Variants in ZNF608 observed in about 807,000 individuals in gnomAD.
The protein encoded by ZNF608 is zinc finger protein 608.
Under a neutral mutation model 109.0 loss-of-function variants are expected in ZNF608, and 12 were observed. The ratio of observed to expected loss-of-function variants is 0.11; its 90% CI spans 0.07 to 0.18. The LOEUF (loss-of-function observed/expected upper bound fraction) is 0.18, where lower values mean the gene tolerates loss of function less well. Ranked by LOEUF, ZNF608 falls within the 10% of genes least tolerant of loss-of-function variation. The pLI is 1.00. For missense variants in ZNF608, 1,707 were observed against 1,879.3 expected (o/e 0.91, Z 1.70); for synonymous variants, 732 against 717.4 (o/e 1.02, Z -0.33).
intron 3 of ZNF608, among the ~76,000 whole-genome samples, chr5:124,676,680 A>G (rs1396552151): frequency 6.6e-6 from 1 of 152,234 alleles, no homozygotes; most frequent in Admixed American, 6.5e-5. Context: ...ACTGGCCACA[A>G]CCCAAAAGTC....
intron 3 of ZNF608, among the ~76,000 whole-genome samples, chr5:124,684,100 C>T (rs905022077): frequency 2.0e-5 from 3 of 152,184 alleles, no homozygotes; most frequent in African/African-American, 7.2e-5. Flanking sequence ...CAAGTCATGG[C>T]TACTCATTCA....
At chr5:124,743,431 C>T (rs1749500529) in intron 2 of ZNF608, among the ~76,000 whole-genome samples, 1 of 152,126 alleles carries the variant, frequency 6.6e-6, no homozygotes, top group Admixed American at 6.6e-5. Flanking sequence ...CCAAAACCAT[C>T]GAGTTTTTCT....
chr5:124,743,286 G>A (rs1268285123), intron 2 of ZNF608, among the ~76,000 whole-genome samples: 2 of 152,138 alleles, frequency 1.3e-5, no homozygotes, highest in Non-Finnish European at 2.9e-5. Flanking sequence ...CACATTTCAC[G>A]AGTATCAGTC....
At chr5:124,703,893 T>A (rs1753156267) in intron 2 of ZNF608, among the ~76,000 whole-genome samples, 2 of 152,182 alleles carry the variant, frequency 1.3e-5, no homozygotes, top group South Asian at 4.1e-4. Context: ...TAGATATATT[T>A]GCATGCAGAA....
chr5:124,648,888 T>C lies in ZNF608; in HGVS notation c.1496A>G (p.Lys499Arg), dbSNP rs762419181. The change falls in exon 5 of 10, where the codon AAA becomes AGA. Residue 499 changes from lysine to arginine, a missense_variant. Coordinates refer to ENST00000513986, the MANE Select transcript of ZNF608 (RefSeq NM_020747.3). ...DIKASPSSTN[K>R]RKNKPPMELD... ...CTCCATTGGAGGCTTGTTTTTCCTT[T>C]TGTTGGTGGAGGAAGGGCTGGCTTT... 5 of 1,613,986 alleles carry C rather than the reference T, an allele frequency of 3.1e-6. No individual in the cohort carries two copies. In the South Asian group the frequency reaches 5.5e-5, roughly 18 times the overall value.
At chr5:124,745,259 G>C in intron 1 of ZNF608, 87 bp from the exon 2 acceptor site, 2 of 1,184,420 alleles carry the variant, frequency 1.7e-6, no homozygotes, top group Non-Finnish European at 2.1e-6. Flanking sequence ...TCAGTAAAGG[G>C]GACAGGGAAG....
At chr5:124,677,429 G>A (rs1751990651) in intron 3 of ZNF608, among the ~76,000 whole-genome samples, 1 of 152,194 alleles carries the variant, frequency 6.6e-6, no homozygotes, top group Non-Finnish European at 1.5e-5. Flanking sequence ...TGATCTGTTT[G>A]ACATAGGACA....
chr5:124,747,124 A>T (rs1412301584), upstream of ZNF608, among the ~76,000 whole-genome samples: 1 of 150,696 alleles, frequency 6.6e-6, no homozygotes, highest in African/African-American at 2.4e-5. Flanking sequence ...TCAGCCAGTC[A>T]TGTGGTAATT....
intron 2 of ZNF608, among the ~76,000 whole-genome samples, chr5:124,706,783 C>T (rs1273434584): frequency 6.6e-6 from 1 of 152,072 alleles, no homozygotes; most frequent in Non-Finnish European, 1.5e-5. Flanking sequence ...CCTGTCAAAC[C>T]GAGGAAAGTT....
In ZNF608 at chr5:124,647,960, G is replaced by C; in HGVS notation, c.2424C>G (p.Leu808=). 1.2e-6 allele frequency: 2 copies of C among 1,613,912 alleles called. No individual in the cohort carries two copies. Among genetic ancestry groups the C allele is most frequent in the Non-Finnish European group, 1.7e-6 (2 of 1,179,992 alleles). Residue 808 remains leucine (L), a synonymous_variant, in exon 5 of 10, where the codon CTC becomes CTG. Transcript: ENST00000513986. ...GCTTCTCCTTTTTCTTTTTGTCTTT[G>C]AGTGACACCAGAGCTGGGTTCACGG... ...PITVNPALVS[L]KDKKKKEKRK... is the part of the protein sequence containing the mutation.
intron 2 of ZNF608, among the ~76,000 whole-genome samples, chr5:124,720,721 C>A (rs1353172174): frequency 1.3e-5 from 2 of 152,040 alleles, no homozygotes; most frequent in Non-Finnish European, 2.9e-5. Context: ...ACTTCATGTT[C>A]TTACACAAAT....
At position 124,744,760 on chromosome 5, in the gene ZNF608, G is replaced by A. The variant is rs1176998873; in HGVS notation, c.230C>T (p.Ala77Val). The A allele has an allele frequency of 1.2e-6, 2 of 1,614,130 alleles. No individual in the cohort carries two copies. The highest frequency in any genetic ancestry group is 2.7e-5 in the African/African-American group (2 of 74,944). ...AAATTTTAGGCCATCAGCTAAGGCTGCGGTAGCACCAGCCCCACTGGAGGC... is the reference window on the plus strand; with the variant it reads ...AAATTTTAGGCCATCAGCTAAGGCTACGGTAGCACCAGCCCCACTGGAGGC... Reference protein sequence around the residue: ...GPASSGAGATAALADGLKFAS... With the variant: ...GPASSGAGATVALADGLKFAS... The change falls in exon 2 of 10, where the codon GCA (alanine) becomes GTA (valine). Residue 77 changes from alanine to valine, a missense_variant. Around this residue, in one of 7 missense-constraint regions of ZNF608, gnomAD observed 407 missense variants for 398.7 expected, o/e 1.02. Transcript: ENST00000513986. The surrounding 1 kb of genome is among the most constrained non-coding windows in gnomAD (Gnocchi z 4.5).
At chr5:124,717,198 G>C (rs1047195563) in intron 2 of ZNF608, among the ~76,000 whole-genome samples, 1 of 151,916 alleles carries the variant, frequency 6.6e-6, no homozygotes, top group African/African-American at 2.4e-5. Flanking sequence ...AGGAGCAATG[G>C]CTCATGCCTG....
At chr5:124,660,387 C>T (rs1305580812) in intron 3 of ZNF608, among the ~76,000 whole-genome samples, 1 of 152,188 alleles carries the variant, frequency 6.6e-6, no homozygotes, top group Admixed American at 6.5e-5. Flanking sequence ...CCCTGTTCTT[C>T]CTGGAGGTGG....
chr5:124,697,999 G>A (rs761134849), intron 3 of ZNF608, among the ~76,000 whole-genome samples: 28 of 152,124 alleles, frequency 1.8e-4, no homozygotes, highest in Non-Finnish European at 2.9e-4. Context: ...TACCAGGGAC[G>A]GGGTTTTATT....
chr5:124,671,393 C>A (rs765536700), intron 3 of ZNF608, among the ~76,000 whole-genome samples: 1 of 152,030 alleles, frequency 6.6e-6, no homozygotes, highest in Non-Finnish European at 1.5e-5. Flanking sequence ...TCACCATATC[C>A]GAAAGGTCAT....
intron 3 of ZNF608, among the ~76,000 whole-genome samples, chr5:124,688,981 T>G (rs1439905031): frequency 2.6e-5 from 4 of 152,224 alleles, no homozygotes; most frequent in Non-Finnish European, 5.9e-5. Context: ...GTCAATCAAT[T>G]TCCTATACAC....
intron 3 of ZNF608, among the ~76,000 whole-genome samples, chr5:124,696,609 AGTT>A (rs1752859619): frequency 1.3e-5 from 2 of 152,172 alleles, no homozygotes; most frequent in Admixed American, 6.5e-5. Context: ...TGGTACTACC[AGTT>A]GTTTGTTAAG....
At chr5:124,666,028 C>T (rs140197354) in intron 3 of ZNF608, among the ~76,000 whole-genome samples, 4 of 152,272 alleles carry the variant, frequency 2.6e-5, no homozygotes, top group East Asian at 3.9e-4. Flanking sequence ...TGGGCATGTA[C>T]GTTTGTGCGT....
Sources: allele counts gnomAD v4.1 joint callset (sites outside exome capture counted in the v4.1 genomes callset), GRCh38; gene constraint gnomAD v4.1.1; regional missense constraint gnomAD v4.1.1; non-coding constraint Gnocchi (gnomAD v3.1); transcripts MANE v1.5; gene names NCBI Gene and HGNC (gene_info 2026-07-23, HGNC 2026-07-21).